Variants in CEP120 observed in about 807,000 individuals in gnomAD.
CEP120 encodes centrosomal protein 120.
CEP120 carries 113 observed loss-of-function variants against 126.5 expected under a neutral mutation model. That is an observed-to-expected ratio of 0.89 (90% CI 0.77 to 1.04). CEP120 has a LOEUF of 1.04. Ranked by LOEUF, CEP120 falls within the 50% of genes least tolerant of loss-of-function variation. The pLI is 0.00. For missense variants in CEP120, 1,230 were observed against 1,155.7 expected (o/e 1.06, Z -0.93); for synonymous variants, 400 against 394.3 (o/e 1.01, Z -0.17).
intron 18 of CEP120, 70 bp from the exon 19 acceptor site, chr5:123,350,159 G>T: frequency 2.9e-6 from 4 of 1,374,726 alleles, no homozygotes; most frequent in South Asian, 1.4e-5. Flanking sequence ...ACTTTGACTT[G>T]TGATTATAAT....
In CEP120 at chr5:123,346,420, A is replaced by G; in HGVS notation, c.*99T>C. 1.1e-6 allele frequency: 1 copy of G among 906,258 alleles called. No individual in the cohort carries two copies. The highest frequency in any genetic ancestry group is 1.9e-5 in the South Asian group (1 of 52,950). The allele number at this position is 906,258 out of a possible 1,614,324, so 56.1% of individuals were successfully genotyped here. A position where few individuals can be genotyped will look rare whatever the true frequency, so the allele number is the denominator to read the frequency against. On this transcript the variant is annotated 3_prime_UTR_variant, in exon 20 of 20. Transcript: ENST00000306467. ...CAAAATTTTGCTTATAAAAAATTGA[A>G]AATACCATTTTAAAACATCCATTTT...
intron 4 of CEP120, among the ~76,000 whole-genome samples, chr5:123,408,484 T>C (rs13154356): frequency 0.16 from 24,881 of 151,992 alleles, 2,104 homozygotes; most frequent in East Asian, 0.25. Context: ...AGGAATACTA[T>C]GAAGATGTCT....
At chr5:123,366,460 T>A (rs1427772577) in intron 17 of CEP120, among the ~76,000 whole-genome samples, 1 of 151,870 alleles carries the variant, frequency 6.6e-6, no homozygotes, top group Non-Finnish European at 1.5e-5. Flanking sequence ...AAGCATAGAT[T>A]AAAATTCACC....
At chr5:123,399,043 T>C in intron 5 of CEP120, 93 bp downstream of exon 5, 1 of 892,178 alleles carries the variant, frequency 1.1e-6, no homozygotes, top group Admixed American at 3.0e-5. Flanking sequence ...AAAAAAAAAG[T>C]CTACTTGCAA....
intron 4 of CEP120, chr5:123,403,437 CAATT>C: frequency 5.1e-6 from 2 of 391,424 alleles, no homozygotes; most frequent in Non-Finnish European, 4.9e-6. Flanking sequence ...CTGGGACAAA[CAATT>C]AAGCGTAGTT....
At chr5:123,365,867 T>A (rs1366335) in intron 17 of CEP120, among the ~76,000 whole-genome samples, 1 of 150,860 alleles carries the variant, frequency 6.6e-6, no homozygotes, top group East Asian at 2.0e-4. Context: ...GTCTAGTATA[T>A]TAGATGAGCC....
intron 13 of CEP120, 126 bp from the exon 14 acceptor site, chr5:123,382,326 A>AAAT: frequency 1.5e-5 from 1 of 65,014 alleles, no homozygotes; most frequent in Non-Finnish European, 4.1e-5. Flanking sequence ...TTTTTATTCT[A>AAAT]AAAAAAAAAA....
At chr5:123,357,966 T>C (rs1199783652) in intron 18 of CEP120, among the ~76,000 whole-genome samples, 2 of 152,164 alleles carry the variant, frequency 1.3e-5, no homozygotes, top group Non-Finnish European at 2.9e-5. Flanking sequence ...AAGATAATTA[T>C]GTAATATTTA....
At chr5:123,370,242 G>A (rs1245797737) in intron 17 of CEP120, among the ~76,000 whole-genome samples, 1 of 151,894 alleles carries the variant, frequency 6.6e-6, no homozygotes. Context: ...AGTTCCTAGA[G>A]GAATCTATTC....
At chr5:123,397,225 G>A (rs1772847463) in intron 5 of CEP120, among the ~76,000 whole-genome samples, 1 of 152,182 alleles carries the variant, frequency 6.6e-6, no homozygotes, top group Non-Finnish European at 1.5e-5. Flanking sequence ...TTGGGAGGGT[G>A]AGGCAGGAGA....
intron 8 of CEP120, 65 bp from the exon 9 acceptor site, chr5:123,388,671 G>A: frequency 7.8e-7 from 1 of 1,280,774 alleles, no homozygotes; most frequent in Non-Finnish European, 1.0e-6. Flanking sequence ...AAATTGTACA[G>A]ATAGTTTAAG....
chr5:123,373,394 G>A (rs975916409), intron 16 of CEP120, among the ~76,000 whole-genome samples: 2 of 152,088 alleles, frequency 1.3e-5, no homozygotes, highest in African/African-American at 4.8e-5. Flanking sequence ...GAGTGACCGG[G>A]AGATCCAGTT....
chr5:123,376,976 A>G (rs1320093153), intron 16 of CEP120, among the ~76,000 whole-genome samples: 2 of 152,098 alleles, frequency 1.3e-5, no homozygotes, highest in African/African-American at 2.4e-5. Context: ...GAAAATACAA[A>G]AACAAGGACA....
chr5:123,399,328 T>C (rs1008304143), intron 4 of CEP120, 44 bp from the exon 5 acceptor site: 41 of 1,569,218 alleles, frequency 2.6e-5, no homozygotes, highest in Non-Finnish European at 3.3e-5. Context: ...TAGTTTGTCA[T>C]AAACCATTAT....
At chr5:123,379,213 C>G (rs146876067) in intron 14 of CEP120, among the ~76,000 whole-genome samples, 14 of 151,968 alleles carry the variant, frequency 9.2e-5, no homozygotes, top group African/African-American at 3.4e-4. Context: ...GACGTCTTAG[C>G]GCTTGAGGTC....
At chr5:123,419,936 C>A (rs532879276) in intron 1 of CEP120, among the ~76,000 whole-genome samples, 3 of 152,264 alleles carry the variant, frequency 2.0e-5, no homozygotes, top group African/African-American at 7.2e-5. Context: ...TAAGGTGGAT[C>A]TTATTGAGGG....
intron 5 of CEP120, among the ~76,000 whole-genome samples, chr5:123,397,324 C>CA (rs1395809700): frequency 1.3e-5 from 2 of 151,532 alleles, no homozygotes; most frequent in African/African-American, 4.9e-5. Flanking sequence ...GGCTCCACCT[C>CA]AAAAAAATAA....
intron 17 of CEP120, among the ~76,000 whole-genome samples, chr5:123,365,475 T>C (rs1770390404): frequency 6.6e-6 from 1 of 151,738 alleles, no homozygotes; most frequent in African/African-American, 2.4e-5. Flanking sequence ...ATATCAAGTC[T>C]AGTTTTTCCC....
At chr5:123,399,376 G>A in intron 4 of CEP120, 92 bp from the exon 5 acceptor site, 2 of 1,272,888 alleles carry the variant, frequency 1.6e-6, no homozygotes, top group African/African-American at 3.0e-5. Context: ...TAATTTGCTT[G>A]GTAATTTTCA....
Sources: allele counts gnomAD v4.1 joint callset (sites outside exome capture counted in the v4.1 genomes callset), GRCh38; gene constraint gnomAD v4.1.1; transcripts MANE v1.5; gene names NCBI Gene and HGNC (gene_info 2026-07-23, HGNC 2026-07-21).